The following PPP6R3 variants were observed in gnomAD, a reference collection of about 807,000 sequenced individuals.
The protein encoded by PPP6R3 is serine/threonine-protein phosphatase 6 regulatory subunit 3.
In PPP6R3, 38 loss-of-function variants were observed where a neutral mutation model predicts 110.7. The ratio of observed to expected loss-of-function variants is 0.34; its 90% confidence interval spans 0.26 to 0.45. PPP6R3 has a LOEUF of 0.45. Among genes scored for constraint, PPP6R3 ranks in the 20% least tolerant of loss-of-function variants. The probability of loss-of-function intolerance (pLI) is 1.00; values close to 1 mark genes in which losing one functional copy is unlikely to be tolerated. For missense variants in PPP6R3, 870 were observed against 1,062.4 expected, an observed-to-expected ratio of 0.82 and a Z score of 2.52; for synonymous variants, 369 against 373.5, an observed-to-expected ratio of 0.99 and a Z score of 0.14.
chr11:68,611,688 C>T (rs998243941), intron 23 of PPP6R3, among the ~76,000 whole-genome samples: 2 of 152,146 alleles, frequency 1.3e-5, no homozygotes, highest in African/African-American at 2.4e-5. Flanking sequence ...CATCAAGAAG[C>T]CACGAAGAAG....
intron 1 of PPP6R3, among the ~76,000 whole-genome samples, chr11:68,464,216 T>C (rs1409491390): frequency 3.3e-5 from 5 of 152,166 alleles, no homozygotes; most frequent in African/African-American, 4.8e-5. Context: ...CACTGCAACC[T>C]CTGCCTCCTG....
chr11:68,512,826 C>G (rs145232392), intron 1 of PPP6R3, among the ~76,000 whole-genome samples: 3 of 152,294 alleles, frequency 2.0e-5, no homozygotes, highest in African/African-American at 7.2e-5. Context: ...TCTGCCCTTA[C>G]AAACCTTTTG....
At chr11:68,574,258 G>C in intron 13 of PPP6R3, 34 bp downstream of exon 13, 1 of 1,556,746 alleles carries the variant, frequency 6.4e-7, no homozygotes, top group African/African-American at 1.4e-5. Context: ...TTACATTTTT[G>C]TTGGGTTGCA....
chr11:68,587,830 A>C (rs543236339), intron 15 of PPP6R3, 97 bp from the exon 16 acceptor site: 10 of 1,018,280 alleles, frequency 9.8e-6, no homozygotes, highest in Admixed American at 1.7e-5. Context: ...CCCTATGGCT[A>C]TGTAAATAAG....
At chr11:68,492,048 A>G (rs986935042) in intron 1 of PPP6R3, among the ~76,000 whole-genome samples, 1 of 152,194 alleles carries the variant, frequency 6.6e-6, no homozygotes, top group Non-Finnish European at 1.5e-5. Context: ...CGACTATTCT[A>G]AGTACCTTGT....
intron 2 of PPP6R3, among the ~76,000 whole-genome samples, chr11:68,527,062 G>A (rs2099202740): frequency 6.6e-6 from 1 of 152,100 alleles, no homozygotes; most frequent in South Asian, 2.1e-4. Flanking sequence ...GCCTTCTGAG[G>A]GTTGTGTATT....
At chr11:68,476,242 C>G (rs1051921714) in intron 1 of PPP6R3, among the ~76,000 whole-genome samples, 248 of 152,330 alleles carry the variant, frequency 1.6e-3, no homozygotes, top group Non-Finnish European at 2.6e-3. Flanking sequence ...TGGCGGATCA[C>G]TCGCGGTTAG....
intron 1 of PPP6R3, among the ~76,000 whole-genome samples, chr11:68,498,838 C>G (rs1294022465): frequency 6.6e-6 from 1 of 152,144 alleles, no homozygotes; most frequent in Non-Finnish European, 1.5e-5. Flanking sequence ...GTTCAGTATA[C>G]CTAAGGGTGA....
intron 1 of PPP6R3, among the ~76,000 whole-genome samples, chr11:68,510,652 T>G (rs1202182338): frequency 6.6e-6 from 1 of 152,168 alleles, no homozygotes; most frequent in Non-Finnish European, 1.5e-5. Context: ...ACTTCTAGGT[T>G]TTTCTTTAAA....
At chr11:68,612,410 A>G (rs1475799931) in intron 23 of PPP6R3, among the ~76,000 whole-genome samples, 1 of 152,160 alleles carries the variant, frequency 6.6e-6, no homozygotes, top group African/African-American at 2.4e-5. Flanking sequence ...AGTCTGCTTG[A>G]TACAATTTTG....
intron 1 of PPP6R3, 134 bp downstream of exon 1, chr11:68,460,961 C>T (rs1419769293): frequency 3.3e-5 from 5 of 151,868 alleles, no homozygotes; most frequent in Admixed American, 6.5e-5. Context: ...CCCTCCCCCC[C>T]CGGAATTCGT....
rs2099391046 is a variant in PPP6R3, at chr11:68,554,219, C to G, written c.693C>G (p.Asn231Lys). The G allele has an allele frequency of 6.2e-7, 1 of 1,613,726 alleles. No individual in the cohort carries two copies. The change falls in exon 7 of 24, where the codon AAC becomes AAG. Residue 231 changes from asparagine to lysine, a missense_variant. Transcript: ENST00000393800. ...LSRDQMLQIQ[N>K]STEPDPLLAT... ...GAGACCAGATGTTACAAATTCAGAA[C>G]AGTACAGAGCCCGACCCCCTGCTTG...
intron 1 of PPP6R3, among the ~76,000 whole-genome samples, chr11:68,466,801 G>A (rs1387536560): frequency 3.9e-5 from 6 of 152,228 alleles, no homozygotes; most frequent in Admixed American, 3.9e-4. Flanking sequence ...TTTTTATAGA[G>A]ATGGGGTTTC....
chr11:68,540,055 G>A (rs1449339979), intron 3 of PPP6R3, among the ~76,000 whole-genome samples: 3 of 152,214 alleles, frequency 2.0e-5, no homozygotes. Context: ...GAAAATGGAA[G>A]GAGGGAGGGT....
intron 18 of PPP6R3, 54 bp from the exon 19 acceptor site, chr11:68,596,043 T>C: frequency 6.2e-7 from 1 of 1,607,754 alleles, no homozygotes; most frequent in African/African-American, 1.3e-5. Flanking sequence ...ATTTTCTGGA[T>C]TTAGCTGGTG....
chr11:68,527,663 T>C (rs2099207150), intron 2 of PPP6R3, among the ~76,000 whole-genome samples: 1 of 152,254 alleles, frequency 6.6e-6, no homozygotes, highest in African/African-American at 2.4e-5. Flanking sequence ...ATCTCTGCTG[T>C]AGATATTTTA....
rs1565934954 is a variant in PPP6R3, at chr11:68,573,143, TA to T, written c.1344-965del. 2.1e-3 allele frequency among the ~76,000 whole-genome samples: 234 copies of T among 113,194 alleles called. 5 individuals carry two copies. Among genetic ancestry groups the T allele is most frequent in the Admixed American group, 4.6e-3 (49 of 10,760 alleles). The allele number at this position is 113,194 out of a possible 152,430, so 74.3% of individuals were successfully genotyped here. ...ATATATATATATATATATATATATA[TA>T]TATATATATAATTTTTTTTTTTTTG... On this transcript the variant is annotated intron_variant, in intron 12 of 23. Coordinates refer to ENST00000393800, the MANE Select transcript of PPP6R3 (RefSeq NM_001164161.2).
chr11:68,591,745 C>T (rs1336188393), intron 18 of PPP6R3, 39 bp downstream of exon 18: 2 of 1,578,418 alleles, frequency 1.3e-6, no homozygotes, highest in Admixed American at 3.6e-5. Flanking sequence ...TATAGCCAAC[C>T]TGTAAAGAAA....
At chr11:68,601,502 C>T (rs2099631740) in intron 20 of PPP6R3, among the ~76,000 whole-genome samples, 1 of 152,208 alleles carries the variant, frequency 6.6e-6, no homozygotes, top group African/African-American at 2.4e-5. Context: ...ACCAGTCAAC[C>T]TGATAAATAC....
Sources: gnomAD v4.1 joint callset for allele counts (sites outside exome capture counted in the v4.1 genomes callset) on GRCh38, gnomAD v4.1.1 for gene constraint, MANE v1.5 for transcripts, NCBI Gene and HGNC (gene_info 2026-07-23, HGNC 2026-07-21) for gene names.